Variants in GRXCR2 observed in about 807,000 individuals in gnomAD.
GRXCR2 encodes the protein glutaredoxin domain-containing cysteine-rich protein 2.
GRXCR2 carries 23 observed loss-of-function variants against 24.8 expected under a neutral mutation model. That is an observed-to-expected ratio of 0.93 (90% CI 0.67 to 1.32). GRXCR2 has a LOEUF of 1.32. Among genes scored for constraint, GRXCR2 ranks in the 40% most tolerant of loss-of-function variants. GRXCR2 has a pLI of 0.00. For missense variants in GRXCR2, 315 were observed against 303.4 expected (o/e 1.04, Z -0.28); for synonymous variants, 130 against 116.1 (o/e 1.12, Z -0.77).
At chr5:145,862,485 G>A (rs1312623037) in intron 2 of GRXCR2, among the ~76,000 whole-genome samples, 3 of 152,154 alleles carry the variant, frequency 2.0e-5, no homozygotes, top group Non-Finnish European at 2.9e-5. Flanking sequence ...TACAAGGCTT[G>A]TATACTATAA....
chr5:145,926,467 C>A (rs1447951999), intron 2 of GRXCR2, among the ~76,000 whole-genome samples: 1 of 152,112 alleles, frequency 6.6e-6, no homozygotes, highest in African/African-American at 2.4e-5. Context: ...TTTCCCAGTA[C>A]CATTTATTAA....
At chr5:145,910,145 G>A (rs959989394) in intron 2 of GRXCR2, among the ~76,000 whole-genome samples, 13 of 152,142 alleles carry the variant, frequency 8.5e-5, no homozygotes, top group African/African-American at 3.1e-4. Context: ...TTTAATACCA[G>A]GGTTCCAGAG....
chr5:145,930,765 C>T (rs1757466455), intron 2 of GRXCR2, among the ~76,000 whole-genome samples: 1 of 152,138 alleles, frequency 6.6e-6, no homozygotes, highest in Non-Finnish European at 1.5e-5. Context: ...GCATCTGGTT[C>T]TTTTATGAGA....
upstream of GRXCR2, among the ~76,000 whole-genome samples, chr5:145,876,796 C>T (rs1224890332): frequency 6.6e-6 from 1 of 152,074 alleles, no homozygotes; most frequent in East Asian, 1.9e-4. Flanking sequence ...TTGGTGTTTC[C>T]AGAATAGTCA....
downstream of GRXCR2, among the ~76,000 whole-genome samples, chr5:145,857,918 G>A (rs893363214): frequency 6.6e-6 from 1 of 152,134 alleles, no homozygotes; most frequent in African/African-American, 2.4e-5. Flanking sequence ...GATACCAAAG[G>A]GATGATGCCT....
intron 2 of GRXCR2, among the ~76,000 whole-genome samples, chr5:145,903,608 TG>T (rs1399511551): frequency 6.6e-6 from 1 of 152,138 alleles, no homozygotes; most frequent in Non-Finnish European, 1.5e-5. Flanking sequence ...TAGCCATCTC[TG>T]GGCCTCTGTT....
At chr5:145,882,336 C>T (rs1756714631) in intron 2 of GRXCR2, among the ~76,000 whole-genome samples, 1 of 152,156 alleles carries the variant, frequency 6.6e-6, no homozygotes. Context: ...AAAAAACAAA[C>T]AACCCCATCA....
intron 2 of GRXCR2, among the ~76,000 whole-genome samples, chr5:145,879,506 C>A (rs1756668955): frequency 1.3e-5 from 2 of 152,120 alleles, no homozygotes; most frequent in Admixed American, 6.6e-5. Flanking sequence ...AGCTAACTAT[C>A]CTAAATATAT....
rs1424165325 is a variant in GRXCR2 at position 145,866,654 on chromosome 5, G to C, written c.411C>G (p.Asp137Glu). 2 of 1,613,696 alleles carry C rather than the reference G, an allele frequency of 1.2e-6. No individual in the cohort carries two copies. Among genetic ancestry groups the C allele is most frequent in the African/African-American group, 1.3e-5 (1 of 74,906 alleles). Reference protein sequence around the residue: ...NNLKIIRTPMDKRDFVRKILQ... With the variant: ...NNLKIIRTPMEKRDFVRKILQ... ...GAATTTTCCTCACAAAATCTCTCTTGTCCATTGGGGTTCGAATGATTTTCA... is the reference window on the plus strand; with the variant it reads ...GAATTTTCCTCACAAAATCTCTCTTCTCCATTGGGGTTCGAATGATTTTCA... Residue 137 changes from aspartate (D) to glutamate (E), a missense_variant, in exon 2 of 3, where the codon GAC becomes GAG. Transcript: ENST00000377976.
At chr5:145,877,929 T>C (rs1427770266), upstream of GRXCR2, among the ~76,000 whole-genome samples, 3 of 152,020 alleles carry the variant, frequency 2.0e-5, no homozygotes, top group African/African-American at 7.2e-5. Flanking sequence ...TCCAGCAAAC[T>C]CCAACAGACC....
chr5:145,885,103 G>GTC (rs1171757794), intron 2 of GRXCR2, among the ~76,000 whole-genome samples: 1 of 150,970 alleles, frequency 6.6e-6, no homozygotes, highest in Non-Finnish European at 1.5e-5. Flanking sequence ...GTGTCTGTGT[G>GTC]TGTGTGTGTG....
intron 2 of GRXCR2, among the ~76,000 whole-genome samples, chr5:145,911,559 G>A (rs529206264): frequency 1.3e-4 from 20 of 152,310 alleles, no homozygotes; most frequent in Middle Eastern, 3.4e-3. Flanking sequence ...GAACTGACCC[G>A]AAGCCAAGAC....
At chr5:145,878,574 G>T (rs1006171650) in intron 2 of GRXCR2, among the ~76,000 whole-genome samples, 1 of 151,990 alleles carries the variant, frequency 6.6e-6, no homozygotes, top group African/African-American at 2.4e-5. Flanking sequence ...CATTTGATAG[G>T]TGTACCTGAA....
At chr5:145,872,210 G>A (rs1756542659) in intron 1 of GRXCR2, among the ~76,000 whole-genome samples, 1 of 152,006 alleles carries the variant, frequency 6.6e-6, no homozygotes, top group South Asian at 2.1e-4. Context: ...AACAAGACAT[G>A]GATAAACTGC....
chr5:145,927,762 T>C (rs1757421015), intron 2 of GRXCR2, among the ~76,000 whole-genome samples: 1 of 152,120 alleles, frequency 6.6e-6, no homozygotes, highest in African/African-American at 2.4e-5. Flanking sequence ...TTAGGGAGGA[T>C]TCCCTCTTAA....
At chr5:145,918,908 T>G (rs1457561201) in intron 2 of GRXCR2, among the ~76,000 whole-genome samples, 2 of 152,178 alleles carry the variant, frequency 1.3e-5, no homozygotes, top group Non-Finnish European at 2.9e-5. Context: ...TTGGTTCCCT[T>G]CTGTGCTTAG....
In GRXCR2 at chr5:145,859,872, G is replaced by T. The variant is rs760103355; in HGVS notation, c.608C>A (p.Ser203Ter). ...GCACAGAGAGCAGGTGGCACTGCCC[G>T]ACCCTCGGCAGTGAAAACAGCTGTC... Reference protein sequence around the residue: ...PEDSCFHCRGSGSATCSLCHG... With the variant: ...PEDSCFHCRG Residue 203 changes from serine (S) to a stop codon, truncating the protein, a stop_gained, in exon 3 of 3, where the codon TCG becomes TAG. Transcript: ENST00000377976. LOFTEE classifies it high-confidence loss of function. The T allele has an allele frequency of 6.2e-7, 1 of 1,604,160 alleles. No individual in the cohort carries two copies. The highest frequency in any genetic ancestry group is 8.5e-7 in the Non-Finnish European group (1 of 1,174,376).
At chr5:145,895,437 T>A (rs1756934239) in intron 2 of GRXCR2, among the ~76,000 whole-genome samples, 1 of 152,144 alleles carries the variant, frequency 6.6e-6, no homozygotes, top group Non-Finnish European at 1.5e-5. Context: ...TTTAGCAAAG[T>A]CTCAGGATAC....
intron 2 of GRXCR2, among the ~76,000 whole-genome samples, chr5:145,865,173 C>A (rs1482136779): frequency 1.3e-5 from 2 of 152,124 alleles, no homozygotes; most frequent in Non-Finnish European, 2.9e-5. Flanking sequence ...AGCCCCTGAC[C>A]AATTTTTTCA....
Sources: gnomAD v4.1 joint callset for allele counts (sites outside exome capture counted in the v4.1 genomes callset) on GRCh38, gnomAD v4.1.1 for gene constraint, MANE v1.5 for transcripts, NCBI Gene and HGNC (gene_info 2026-07-23, HGNC 2026-07-21) for gene names.